Variants in ADCY2 observed in about 807,000 individuals in gnomAD.
ADCY2 encodes adenylate cyclase 2, also known as adenylate cyclase type 2.
In ADCY2, 31 loss-of-function variants were observed where a neutral mutation model predicts 125.2. The ratio of observed to expected loss-of-function variants is 0.25; its 90% CI spans 0.19 to 0.33. The LOEUF (loss-of-function observed/expected upper bound fraction) is 0.33, where lower values mean the gene tolerates loss of function less well. Ranked by LOEUF, ADCY2 falls within the 10% of genes least tolerant of loss-of-function variation. ADCY2 has a pLI of 1.00. For missense variants in ADCY2, 904 were observed against 1,418.2 expected (o/e 0.64, Z 5.82); for synonymous variants, 512 against 548.4 (o/e 0.93, Z 0.93).
At chr5:7,424,879 G>A (rs376851649) in intron 2 of ADCY2, among the ~76,000 whole-genome samples, 20 of 152,272 alleles carry the variant, frequency 1.3e-4, no homozygotes, top group African/African-American at 4.1e-4. Flanking sequence ...TCTTTGTGCT[G>A]GTTTTCTCAT....
intron 3 of ADCY2, among the ~76,000 whole-genome samples, chr5:7,585,656 C>G (rs1001339978): frequency 1.3e-5 from 2 of 152,168 alleles, no homozygotes; most frequent in Non-Finnish European, 2.9e-5. Context: ...TACCATGATG[C>G]AACTAACATC....
At chr5:7,465,206 T>C (rs1742071180) in intron 2 of ADCY2, among the ~76,000 whole-genome samples, 1 of 152,354 alleles carries the variant, frequency 6.6e-6, no homozygotes, top group Non-Finnish European at 1.5e-5. Context: ...ACCATATCAT[T>C]ATCTTTCCTT....
Position 7,709,470 on chromosome 5 carries a change from A to T in ADCY2, c.1578+83A>T. 9 of 1,408,892 alleles carry T rather than the reference A, an allele frequency of 6.4e-6. No individual in the cohort carries two copies. Among genetic ancestry groups the T allele is most frequent in the Non-Finnish European group, 8.4e-6 (9 of 1,066,518 alleles). 87.3% of individuals were successfully genotyped at this position (1,408,892 alleles called of 1,614,324 possible). A position where few individuals can be genotyped will look rare whatever the true frequency, so the allele number is the denominator to read the frequency against. ...CCAAAGGCTGGGCATCTCCTGCCAA[A>T]ATAACTCCTTTCTGTAAGAAACAAA... is the stretch of plus-strand genomic sequence containing the variant. On this transcript the variant is annotated intron_variant, in intron 10 of 24. Coordinates refer to ENST00000338316, the MANE Select transcript of ADCY2 (RefSeq NM_020546.3). This position sits in a 1 kb window ranked among gnomAD's most constrained non-coding sequence, Gnocchi z 4.4.
intron 14 of ADCY2, among the ~76,000 whole-genome samples, chr5:7,735,650 C>A (rs2126417093): frequency 6.6e-6 from 1 of 152,322 alleles, no homozygotes; most frequent in East Asian, 1.9e-4. Context: ...GATATTAAAG[C>A]AACCTTACAT....
chr5:7,558,044 T>TG (rs1254755623), intron 3 of ADCY2, among the ~76,000 whole-genome samples: 1 of 147,438 alleles, frequency 6.8e-6, no homozygotes, highest in Non-Finnish European at 1.5e-5. Flanking sequence ...TGTTTTGTTT[T>TG]GTTTTTGGTT....
intron 22 of ADCY2, among the ~76,000 whole-genome samples, chr5:7,813,580 A>C (rs1473048443): frequency 6.6e-6 from 1 of 152,248 alleles, no homozygotes; most frequent in Admixed American, 6.5e-5. Context: ...ACTGCTTCAT[A>C]CTGCCATCAG....
At chr5:7,767,285 T>C (rs1743414195) in intron 17 of ADCY2, among the ~76,000 whole-genome samples, 1 of 152,196 alleles carries the variant, frequency 6.6e-6, no homozygotes, top group Admixed American at 6.5e-5. Context: ...AACTGACTCA[T>C]CTTAACCAGT....
chr5:7,821,869 A>G (rs1055182623), intron 24 of ADCY2, among the ~76,000 whole-genome samples: 4 of 152,246 alleles, frequency 2.6e-5, no homozygotes, highest in Non-Finnish European at 4.4e-5. Context: ...TATCCTGAAC[A>G]GGGGCAATGC....
intron 2 of ADCY2, among the ~76,000 whole-genome samples, chr5:7,468,210 T>C (rs995289282): frequency 1.3e-5 from 2 of 152,104 alleles, no homozygotes; most frequent in Non-Finnish European, 2.9e-5. Flanking sequence ...AGAACATACT[T>C]GGGGAGGATC....
chr5:7,584,791 T>G (rs1211505192), intron 3 of ADCY2, among the ~76,000 whole-genome samples: 1 of 152,132 alleles, frequency 6.6e-6, no homozygotes, highest in Non-Finnish European at 1.5e-5. Context: ...TATACAATAC[T>G]TACACAAAAA....
intron 3 of ADCY2, among the ~76,000 whole-genome samples, chr5:7,581,143 T>G (rs1736411256): frequency 6.6e-6 from 1 of 152,198 alleles, no homozygotes. Flanking sequence ...CTTTGGAAAT[T>G]GTAAAATGTT....
At chr5:7,468,118 A>G (rs1742193477) in intron 2 of ADCY2, among the ~76,000 whole-genome samples, 1 of 152,216 alleles carries the variant, frequency 6.6e-6, no homozygotes. Context: ...TAAAAAATCA[A>G]TCCCTTCCTT....
intron 16 of ADCY2, among the ~76,000 whole-genome samples, chr5:7,763,046 G>GTTT (rs1156260574): frequency 5.5e-5 from 7 of 127,792 alleles, no homozygotes; most frequent in African/African-American, 1.6e-4. Flanking sequence ...CATTTTCTTT[G>GTTT]TTTTTTTTGT....
chr5:7,477,543 A>G (rs763088807), intron 2 of ADCY2, among the ~76,000 whole-genome samples: 6 of 151,848 alleles, frequency 4.0e-5, no homozygotes, highest in Non-Finnish European at 8.9e-5. Flanking sequence ...CCTGAGAGGA[A>G]ATCTCTAAGC....
intron 2 of ADCY2, among the ~76,000 whole-genome samples, chr5:7,493,445 G>T (rs930229634): frequency 5.3e-5 from 8 of 152,114 alleles, no homozygotes; most frequent in Non-Finnish European, 1.2e-4. Flanking sequence ...TAGAAAGAAA[G>T]AAACATAAGC....
At chr5:7,527,819 G>C (rs72709189) in intron 3 of ADCY2, among the ~76,000 whole-genome samples, 5 of 152,282 alleles carry the variant, frequency 3.3e-5, no homozygotes, top group Non-Finnish European at 7.3e-5. Context: ...AATTCAGAAA[G>C]TGTATATTGG....
At chr5:7,558,836 AT>A (rs1735620025) in intron 3 of ADCY2, among the ~76,000 whole-genome samples, 4 of 152,166 alleles carry the variant, frequency 2.6e-5, no homozygotes, top group Non-Finnish European at 5.9e-5. Context: ...TAAGTCTTTA[AT>A]GCATCTTGAG....
At chr5:7,424,215 C>G (rs1342757494) in intron 2 of ADCY2, among the ~76,000 whole-genome samples, 1 of 152,196 alleles carries the variant, frequency 6.6e-6, no homozygotes, top group Non-Finnish European at 1.5e-5. Context: ...GTGCACTTGC[C>G]CCTTCTACCG....
chr5:7,603,174 T>C (rs1231792135), intron 3 of ADCY2, among the ~76,000 whole-genome samples: 1 of 152,246 alleles, frequency 6.6e-6, no homozygotes, highest in Non-Finnish European at 1.5e-5. Flanking sequence ...TTCCTGAGGC[T>C]GACTTCATTC....
Sources: allele counts gnomAD v4.1 joint callset (sites outside exome capture counted in the v4.1 genomes callset), GRCh38; gene constraint gnomAD v4.1.1; non-coding constraint Gnocchi (gnomAD v3.1); transcripts MANE v1.5; gene names NCBI Gene and HGNC (gene_info 2026-07-23, HGNC 2026-07-21).